Variants in GALNT13 observed in about 807,000 individuals in gnomAD.
The protein encoded by GALNT13 is UDP-GalNAc:polypeptide N-acetylgalactosaminyltransferase 13.
A neutral mutation model predicts 64.2 loss-of-function variants in GALNT13; 28 were observed. The ratio of observed to expected loss-of-function variants is 0.44; its 90% CI spans 0.32 to 0.60. The LOEUF is 0.60. Among genes scored for constraint, GALNT13 ranks in the 20% least tolerant of loss-of-function variants. The probability of loss-of-function intolerance (pLI) is 0.05; values close to 1 mark genes in which losing one functional copy is unlikely to be tolerated. For synonymous variants in GALNT13, 214 were observed against 224.6 expected, an observed-to-expected ratio of 0.95 and a Z score of 0.42; for missense variants, 577 against 669.8, an observed-to-expected ratio of 0.86 and a Z score of 1.53.
At chr2:153,713,346 T>C in the GALNT13 span, among the ~76,000 whole-genome samples, 1 of 152,176 alleles carries the variant, frequency 6.6e-6, no homozygotes, top group East Asian at 1.9e-4. Context: ...GCTATCAGAC[T>C]CAGGAATATC....
intron 7 of GALNT13, chr2:154,257,723 ATGG>A (rs1275853374): frequency 6.6e-6 from 1 of 152,212 alleles, no homozygotes; most frequent in Non-Finnish European, 1.5e-5. Context: ...ACTTTGCAAT[ATGG>A]TAGATGTCCA....
the GALNT13 span, among the ~76,000 whole-genome samples, chr2:153,686,200 A>G: frequency 6.6e-6 from 1 of 151,836 alleles, no homozygotes; most frequent in Non-Finnish European, 1.5e-5. Context: ...ATGGTAGTTT[A>G]ATAGGCATAG....
At chr2:154,122,202 T>C (rs1044281366) in intron 3 of GALNT13, among the ~76,000 whole-genome samples, 2 of 152,020 alleles carry the variant, frequency 1.3e-5, no homozygotes, top group South Asian at 4.1e-4. Flanking sequence ...GTGCTACATG[T>C]TTATTTATTA....
At chr2:153,371,729 T>C in the GALNT13 span, among the ~76,000 whole-genome samples, 1 of 152,316 alleles carries the variant, frequency 6.6e-6, no homozygotes, top group East Asian at 1.9e-4. Flanking sequence ...CTTAATTTGA[T>C]TGAAAAAATT....
chr2:154,095,363 G>A (rs905093803), intron 3 of GALNT13, among the ~76,000 whole-genome samples: 10 of 151,710 alleles, frequency 6.6e-5, no homozygotes, highest in Non-Finnish European at 1.5e-4. Flanking sequence ...ATATGTTACT[G>A]TATCACAAAT....
the GALNT13 span, among the ~76,000 whole-genome samples, chr2:153,540,634 C>T: frequency 1.7e-4 from 26 of 152,228 alleles, no homozygotes; most frequent in African/African-American, 4.8e-4. Context: ...CCTACTGAGC[C>T]GCAGGGGCAG....
At chr2:153,350,468 T>G in the GALNT13 span, among the ~76,000 whole-genome samples, 1 of 149,336 alleles carries the variant, frequency 6.7e-6, no homozygotes, top group African/African-American at 2.5e-5. Flanking sequence ...TTGCAACCTC[T>G]GTCTCCCGGG....
At chr2:153,394,360 T>A in the GALNT13 span, among the ~76,000 whole-genome samples, 3 of 152,168 alleles carry the variant, frequency 2.0e-5, no homozygotes, top group Non-Finnish European at 2.9e-5. Flanking sequence ...TTTACAATTG[T>A]GCTTAATACC....
the GALNT13 span, among the ~76,000 whole-genome samples, chr2:153,556,889 C>T: frequency 5.9e-5 from 9 of 152,264 alleles, no homozygotes; most frequent in South Asian, 4.1e-4. Context: ...TTCCATATTT[C>T]TATAACTTTC....
chr2:154,073,105 A>G (rs1700818248), intron 3 of GALNT13, among the ~76,000 whole-genome samples: 3 of 152,002 alleles, frequency 2.0e-5, no homozygotes, highest in Admixed American at 2.0e-4. Context: ...AAAATTTCTG[A>G]TGTCTACATT....
chr2:153,333,508 G>A, the GALNT13 span, among the ~76,000 whole-genome samples: 3 of 152,022 alleles, frequency 2.0e-5, no homozygotes, highest in Non-Finnish European at 2.9e-5. Flanking sequence ...CACAGAGTTG[G>A]TCTTTATGCA....
the GALNT13 span, among the ~76,000 whole-genome samples, chr2:153,820,585 CA>C: frequency 6.6e-6 from 1 of 151,874 alleles, no homozygotes; most frequent in Non-Finnish European, 1.5e-5. Context: ...AGCATTCACA[CA>C]AAAAAAGAAA....
At chr2:153,326,763 T>G in the GALNT13 span, among the ~76,000 whole-genome samples, 1 of 152,212 alleles carries the variant, frequency 6.6e-6, no homozygotes, top group South Asian at 2.1e-4. Flanking sequence ...TGGCTGGATA[T>G]GAAAATCTGG....
the GALNT13 span, among the ~76,000 whole-genome samples, chr2:153,448,561 G>A: frequency 6.6e-6 from 1 of 152,156 alleles, no homozygotes; most frequent in Non-Finnish European, 1.5e-5. Flanking sequence ...GAGTTGCCAT[G>A]ATGGTGATTA....
chr2:153,349,136 T>A, the GALNT13 span, among the ~76,000 whole-genome samples: 1 of 152,106 alleles, frequency 6.6e-6, no homozygotes, highest in East Asian at 1.9e-4. Context: ...GGTCAAGCAT[T>A]TATCAGTTGT....
At chr2:153,191,725 C>T in the GALNT13 span, among the ~76,000 whole-genome samples, 17 of 150,750 alleles carry the variant, frequency 1.1e-4, no homozygotes, top group African/African-American at 3.4e-4. Flanking sequence ...TTTTTGAAAC[C>T]GATTCAATGT....
chr2:153,862,071 T>C, the GALNT13 span, among the ~76,000 whole-genome samples: 4 of 152,226 alleles, frequency 2.6e-5, no homozygotes, highest in African/African-American at 9.6e-5. Context: ...TTAGTCCTAT[T>C]GTATGTTTTA....
chr2:153,231,151 G>C, the GALNT13 span, among the ~76,000 whole-genome samples: 1 of 152,132 alleles, frequency 6.6e-6, no homozygotes, highest in Non-Finnish European at 1.5e-5. Context: ...GATACTCCCA[G>C]GAATGTAGGC....
chr2:153,695,726 TTAAC>T, the GALNT13 span, among the ~76,000 whole-genome samples: 41,762 of 151,926 alleles, frequency 0.27, 6,624 homozygotes, highest in Middle Eastern at 0.44. Flanking sequence ...TAAATGTTGA[TTAAC>T]TAAATTGGAA....
Sources: allele counts gnomAD v4.1 joint callset (sites outside exome capture counted in the v4.1 genomes callset), GRCh38; gene constraint gnomAD v4.1.1; transcripts MANE v1.5; gene names NCBI Gene and HGNC (gene_info 2026-07-23, HGNC 2026-07-21).